Variants in AGBL4 observed in about 807,000 individuals in gnomAD.
AGBL4 encodes AGBL carboxypeptidase 4.
AGBL4 carries 58 observed loss-of-function variants against 66.4 expected under a neutral mutation model. The observed-to-expected ratio is 0.87, with a 90% confidence interval of 0.71 to 1.09. The LOEUF (loss-of-function observed/expected upper bound fraction) is 1.09, where lower values mean the gene tolerates loss of function less well. Ranked by LOEUF, AGBL4 falls within the 50% of genes least tolerant of loss-of-function variation. AGBL4 has a pLI of 0.00. For synonymous variants in AGBL4, 234 were observed against 222.9 expected (o/e 1.05, Z -0.44); for missense variants, 579 against 631.0 (o/e 0.92, Z 0.88).
chr1:48,793,431 G>A (rs573231636), intron 6 of AGBL4, among the ~76,000 whole-genome samples: 2 of 152,234 alleles, frequency 1.3e-5, no homozygotes, highest in Admixed American at 6.5e-5. Context: ...ATATCCTAAG[G>A]TTTATCCATG....
chr1:48,527,617 CA>C, the AGBL4 span, among the ~76,000 whole-genome samples: 43 of 149,748 alleles, frequency 2.9e-4, no homozygotes, highest in African/African-American at 9.8e-4. Flanking sequence ...AATTGATAAA[CA>C]GATGAATAAG....
intron 2 of AGBL4, among the ~76,000 whole-genome samples, chr1:49,800,789 A>C (rs1341281618): frequency 2.8e-5 from 3 of 107,736 alleles, no homozygotes; most frequent in Non-Finnish European, 5.7e-5. Context: ...GGTTGGTTCC[A>C]AGTCTTTGCT....
chr1:49,557,258 C>G (rs191867319), intron 3 of AGBL4, among the ~76,000 whole-genome samples: 1 of 152,112 alleles, frequency 6.6e-6, no homozygotes, highest in Non-Finnish European at 1.5e-5. Context: ...CATGTTGTCA[C>G]CTCTCACAAG....
intron 1 of AGBL4, among the ~76,000 whole-genome samples, chr1:50,023,451 C>G (rs1425480036): frequency 1.3e-5 from 2 of 152,152 alleles, no homozygotes; most frequent in East Asian, 3.9e-4. Flanking sequence ...CTAGGATTAG[C>G]CTTCACCACA....
chr1:49,971,364 C>T (rs185331398), intron 1 of AGBL4, among the ~76,000 whole-genome samples: 52 of 152,278 alleles, frequency 3.4e-4, no homozygotes, highest in African/African-American at 9.6e-4. Context: ...TGCAGTATCA[C>T]AGTACTTGTG....
At chr1:50,006,522 G>A (rs1193636753) in intron 1 of AGBL4, among the ~76,000 whole-genome samples, 1 of 151,856 alleles carries the variant, frequency 6.6e-6, no homozygotes, top group Non-Finnish European at 1.5e-5. Flanking sequence ...AACTCCCAAA[G>A]GTCAAGGATA....
chr1:49,018,998 T>A (rs1273496952), intron 5 of AGBL4, among the ~76,000 whole-genome samples: 1 of 152,170 alleles, frequency 6.6e-6, no homozygotes. Flanking sequence ...GATTCTGGCT[T>A]CTCCGTGTCC....
chr1:49,349,093 T>A (rs1461438911), intron 3 of AGBL4, among the ~76,000 whole-genome samples: 1 of 152,220 alleles, frequency 6.6e-6, no homozygotes, highest in Non-Finnish European at 1.5e-5. Flanking sequence ...CTCTGAGTCC[T>A]TGCTCATGCT....
At chr1:48,644,317 T>C (rs1645801890) in intron 8 of AGBL4, among the ~76,000 whole-genome samples, 1 of 152,200 alleles carries the variant, frequency 6.6e-6, no homozygotes. Context: ...TTCCTTCAGA[T>C]ATTTTCTCTG....
chr1:49,800,734 A>G (rs1644842474), intron 2 of AGBL4, among the ~76,000 whole-genome samples: 1 of 99,854 alleles, frequency 1.0e-5, no homozygotes, highest in Non-Finnish European at 2.0e-5. Context: ...CATGGTGTAT[A>G]TGTGCCACAT....
intron 5 of AGBL4, among the ~76,000 whole-genome samples, chr1:48,932,178 A>T (rs77713727): frequency 0.01 from 1,557 of 152,266 alleles, 27 homozygotes; most frequent in African/African-American, 0.032. Flanking sequence ...GATGAAACAG[A>T]GATAGGTATG....
At chr1:49,755,586 C>G (rs1325742438) in intron 2 of AGBL4, among the ~76,000 whole-genome samples, 3 of 152,140 alleles carry the variant, frequency 2.0e-5, no homozygotes, top group Admixed American at 1.3e-4. Context: ...CCAAACATAG[C>G]TATTCTTGAG....
intron 5 of AGBL4, among the ~76,000 whole-genome samples, chr1:48,869,942 G>A (rs1028434160): frequency 1.3e-5 from 2 of 152,056 alleles, no homozygotes; most frequent in African/African-American, 2.4e-5. Flanking sequence ...GTACCCCTCA[G>A]TAAGTATTGG....
At chr1:48,717,463 G>A (rs577406225) in intron 6 of AGBL4, among the ~76,000 whole-genome samples, 2 of 152,224 alleles carry the variant, frequency 1.3e-5, no homozygotes, top group South Asian at 4.1e-4. Context: ...TACTCCTCTA[G>A]TTCATTTTTT....
chr1:49,457,385 T>C (rs1646413281), intron 3 of AGBL4, among the ~76,000 whole-genome samples: 1 of 151,806 alleles, frequency 6.6e-6, no homozygotes. Context: ...TTGAGAATTG[T>C]CTATTCATTA....
At chr1:49,922,825 A>C (rs1298414031) in intron 1 of AGBL4, among the ~76,000 whole-genome samples, 2 of 152,204 alleles carry the variant, frequency 1.3e-5, no homozygotes, top group Non-Finnish European at 2.9e-5. Context: ...GACACACACA[A>C]ATGGAAAAGC....
intron 3 of AGBL4, among the ~76,000 whole-genome samples, chr1:49,330,794 G>A (rs929527667): frequency 2.0e-5 from 3 of 152,166 alleles, no homozygotes; most frequent in Non-Finnish European, 4.4e-5. Flanking sequence ...CCAATTAGAA[G>A]CAGCTGCTAT....
At chr1:49,662,340 A>G (rs533585774) in intron 3 of AGBL4, among the ~76,000 whole-genome samples, 1 of 152,170 alleles carries the variant, frequency 6.6e-6, no homozygotes, top group Non-Finnish European at 1.5e-5. Flanking sequence ...AACATTAGCC[A>G]TATAATAGTC....
chr1:48,751,652 A>C (rs1166152996), intron 6 of AGBL4, among the ~76,000 whole-genome samples: 1 of 152,224 alleles, frequency 6.6e-6, no homozygotes, highest in African/African-American at 2.4e-5. Flanking sequence ...AATCCAAAAA[A>C]AACATAAGCT....
Sources: allele counts gnomAD v4.1 joint callset (sites outside exome capture counted in the v4.1 genomes callset), GRCh38; gene constraint gnomAD v4.1.1; transcripts MANE v1.5; gene names NCBI Gene and HGNC (gene_info 2026-07-23, HGNC 2026-07-21).